Variants in GON4L observed in about 807,000 individuals in gnomAD.
GON4L encodes gon-4 like.
Under a neutral mutation model 211.8 loss-of-function variants are expected in GON4L, and 87 were observed. The ratio of observed to expected loss-of-function variants is 0.41; its 90% confidence interval spans 0.35 to 0.49. The LOEUF is 0.49. Ranked by LOEUF, GON4L falls within the 20% of genes least tolerant of loss-of-function variation. The pLI is 0.15. For missense variants in GON4L, 2,155 were observed against 2,659.5 expected (o/e 0.81, Z 4.17); for synonymous variants, 875 against 962.6 (o/e 0.91, Z 1.68).
chr1:155,767,359 T>C, intron 20 of GON4L, 66 bp downstream of exon 20: 6 of 1,613,958 alleles, frequency 3.7e-6, no homozygotes, highest in Admixed American at 1.7e-5. Flanking sequence ...AAGGAAGCCC[T>C]TGATATTCTC....
chr1:155,829,472 G>A (rs572944176), intron 2 of GON4L, among the ~76,000 whole-genome samples: 1 of 152,164 alleles, frequency 6.6e-6, no homozygotes, highest in South Asian at 2.1e-4. Flanking sequence ...CAGCCGTGGT[G>A]GCAGGTGCCT....
At chr1:155,774,210 T>C (rs1663522330) in intron 17 of GON4L, among the ~76,000 whole-genome samples, 1 of 152,232 alleles carries the variant, frequency 6.6e-6, no homozygotes, top group Admixed American at 6.5e-5. Flanking sequence ...ATGGCAAATG[T>C]ATAATCTCTA....
chr1:155,812,535 T>C (rs540410223), intron 10 of GON4L, among the ~76,000 whole-genome samples: 29 of 152,098 alleles, frequency 1.9e-4, no homozygotes, highest in South Asian at 8.3e-4. Flanking sequence ...CTTTAATATA[T>C]TATGTAATAT....
chr1:155,841,085 A>G (rs974642667), intron 2 of GON4L, among the ~76,000 whole-genome samples: 5 of 152,250 alleles, frequency 3.3e-5, no homozygotes, highest in African/African-American at 1.2e-4. Flanking sequence ...GCTTGTATTC[A>G]TTTAATAATT....
At chr1:155,827,484 T>C (rs573269614) in intron 2 of GON4L, among the ~76,000 whole-genome samples, 137 of 152,260 alleles carry the variant, frequency 9.0e-4, no homozygotes, top group African/African-American at 3.2e-3. Context: ...CAACACTTCA[T>C]AAACACTCCC....
intron 2 of GON4L, among the ~76,000 whole-genome samples, chr1:155,839,253 GA>G (rs1429000859): frequency 7.3e-5 from 11 of 151,254 alleles, no homozygotes; most frequent in Admixed American, 7.3e-4. Context: ...AAATAAAAGA[GA>G]ATAATTCTAC....
At chr1:155,793,493 C>T (rs1665796073) in intron 12 of GON4L, among the ~76,000 whole-genome samples, 1 of 152,182 alleles carries the variant, frequency 6.6e-6, no homozygotes. Context: ...CAGGGTCATG[C>T]ATACATGCAA....
rs767302998 is a variant in GON4L at position 155,753,205 on chromosome 1, T to C, written c.5841A>G (p.Ser1947=). The C allele has an allele frequency of 3.1e-6, 5 of 1,600,582 alleles. No individual in the cohort carries two copies. The South Asian group carries it at 5.5e-5, about 18-fold the overall frequency. ...RTTRKGEMPV[S]AGLAVGSTLP... The stretch of plus-strand genomic sequence containing the variant: ...GGGCTGCGTTGGCAAATCACTCACC[T>C]GAAACAGGCATCTCTCCCTTTCTGG... The change falls in exon 29 of 32, where the codon TCA becomes TCG. Residue 1947 remains serine (S), a splice_region_variant and synonymous_variant. Coordinates refer to ENST00000368331, the MANE Select transcript of GON4L (RefSeq NM_001282860.2).
intron 2 of GON4L, among the ~76,000 whole-genome samples, chr1:155,837,740 G>A (rs1670440886): frequency 6.6e-6 from 1 of 151,524 alleles, no homozygotes; most frequent in African/African-American, 2.4e-5. Flanking sequence ...CTCTGAAGCT[G>A]AAGGGGGAAA....
At chr1:155,759,199 C>T (rs879831157) in intron 24 of GON4L, among the ~76,000 whole-genome samples, 4 of 151,572 alleles carry the variant, frequency 2.6e-5, no homozygotes, top group African/African-American at 9.7e-5. Context: ...TGGGGTCTTG[C>T]TATGTTGTCC....
intron 8 of GON4L, among the ~76,000 whole-genome samples, chr1:155,814,667 A>ATT (rs1204699206): frequency 1.3e-5 from 2 of 151,978 alleles, no homozygotes; most frequent in Non-Finnish European, 2.9e-5. Context: ...TATCACTTGA[A>ATT]TCCAGGAGAT....
At chr1:155,807,161 TAG>T (rs1667210422) in intron 10 of GON4L, among the ~76,000 whole-genome samples, 1 of 150,608 alleles carries the variant, frequency 6.6e-6, no homozygotes, top group South Asian at 2.1e-4. Context: ...AGCACCTTGA[TAG>T]GCTGTGGTGA....
At chr1:155,845,563 A>C (rs1199317659) in intron 2 of GON4L, 2 of 292,284 alleles carry the variant, frequency 6.8e-6, no homozygotes, top group East Asian at 8.6e-5. Flanking sequence ...AAGATGACAA[A>C]GATAATTGTT....
At chr1:155,752,794 G>A (rs914060664) in intron 29 of GON4L, among the ~76,000 whole-genome samples, 4 of 152,166 alleles carry the variant, frequency 2.6e-5, no homozygotes, top group African/African-American at 7.2e-5. Context: ...GCAATATGGT[G>A]AGACTCCATC....
At chr1:155,778,005 T>A (rs1274104134) in intron 14 of GON4L, among the ~76,000 whole-genome samples, 185 bp from the exon 15 acceptor site, 3 of 152,168 alleles carry the variant, frequency 2.0e-5, no homozygotes, top group Non-Finnish European at 4.4e-5. Context: ...TTAGCATGCA[T>A]CAAATATGAT....
chr1:155,753,102 C>A, intron 29 of GON4L, 102 bp downstream of exon 29: 1 of 847,208 alleles, frequency 1.2e-6, no homozygotes, highest in South Asian at 1.6e-5. Flanking sequence ...GTGGTATATC[C>A]ATCCCTGAAA....
intron 17 of GON4L, among the ~76,000 whole-genome samples, chr1:155,774,288 T>C (rs1422530119): frequency 1.3e-5 from 2 of 149,652 alleles, no homozygotes; most frequent in African/African-American, 4.9e-5. Flanking sequence ...GCAGTCAGTA[T>C]GGTAAATAAA....
Position 155,822,430 on chromosome 1 carries a change from C to G in GON4L, c.744G>C (p.Lys248Asn). Reference sequence around the variant, plus strand: ...TTCCATCTCGTTTCCTCTTGGTACCCTTTTTCTTTTTTCTCCTTTTCTCAC... The same window carrying G: ...TTCCATCTCGTTTCCTCTTGGTACCGTTTTTCTTTTTTCTCCTTTTCTCAC... Reference protein sequence around the residue: ...EESEKRRKKKKGTKRKRDGRG... With the variant: ...EESEKRRKKKNGTKRKRDGRG... Residue 248 changes from lysine (K) to asparagine (N), a missense_variant, in exon 4 of 32, where the codon AAG becomes AAC. Lys to Asn is a moderately conservative substitution (Grantham distance 94). Transcript: ENST00000368331. 6.2e-7 allele frequency: 1 copy of G among 1,613,894 alleles called. No individual in the cohort carries two copies. Among genetic ancestry groups the G allele is most frequent in the Non-Finnish European group, 8.5e-7 (1 of 1,179,826 alleles).
intron 10 of GON4L, among the ~76,000 whole-genome samples, chr1:155,812,995 CTA>C (rs1667927413): frequency 6.6e-6 from 1 of 152,106 alleles, no homozygotes; most frequent in Admixed American, 6.5e-5. Flanking sequence ...TTAGAAAACA[CTA>C]TGTGTATATA....
Sources: gnomAD v4.1 joint callset for allele counts (sites outside exome capture counted in the v4.1 genomes callset) on GRCh38, gnomAD v4.1.1 for gene constraint, MANE v1.5 for transcripts, NCBI Gene and HGNC (gene_info 2026-07-23, HGNC 2026-07-21) for gene names.